The following KSR2 variants were observed in gnomAD, a reference collection of about 807,000 sequenced individuals.
KSR2 encodes kinase suppressor of ras 2.
In KSR2, 25 loss-of-function variants were observed where a neutral mutation model predicts 107.8. That is an observed-to-expected ratio of 0.23 (90% confidence interval 0.17 to 0.32). KSR2 has a LOEUF of 0.32. Among genes scored for constraint, KSR2 ranks in the 10% least tolerant of loss-of-function variants. KSR2 has a pLI of 1.00. For missense variants in KSR2, 887 were observed against 1,268.9 expected (o/e 0.70, Z 4.57); for synonymous variants, 480 against 507.0 (o/e 0.95, Z 0.71).
At position 117,459,975 on chromosome 12, in the gene KSR2, CCT is replaced by C. The variant is rs1374624516; in HGVS notation, c.*7222_*7223del. 2.0e-5 allele frequency: 3 copies of C among 152,196 alleles called. No individual in the cohort carries two copies. Among genetic ancestry groups the C allele is most frequent in the African/African-American group, 7.2e-5 (3 of 41,440 alleles). 9.4% of individuals were successfully genotyped at this position (152,196 alleles called of 1,614,324 possible). ...GCCTGGGAAAGCTTGGGAAGAACAG[CCT>C]CCTATCAGGCATTTAGAGATTCAAC... On this transcript the variant is annotated 3_prime_UTR_variant, in exon 20 of 20. Transcript: ENST00000339824.
chr12:117,632,750 T>C (rs1882870438), intron 5 of KSR2, among the ~76,000 whole-genome samples: 1 of 152,194 alleles, frequency 6.6e-6, no homozygotes, highest in South Asian at 2.1e-4. Flanking sequence ...CCATGTGTGC[T>C]CAATGTTTAG....
In KSR2 at chr12:117,530,926, C is replaced by T. The variant is rs1469306247; in HGVS notation, c.1802+15G>A. ...GAAGCTTGGGAAAGGGGGAAGATGTCTCTGTCTCACTTACATTGGATTCGA... is the reference window on the plus strand; with the variant it reads ...GAAGCTTGGGAAAGGGGGAAGATGTTTCTGTCTCACTTACATTGGATTCGA... On this transcript the variant is annotated intron_variant, in intron 12 of 19. Coordinates refer to ENST00000339824, the MANE Select transcript of KSR2 (RefSeq NM_173598.6). The T allele has an allele frequency of 1.2e-6, 2 of 1,612,202 alleles. No homozygotes were observed. The highest frequency in any genetic ancestry group is 1.7e-6 in the Non-Finnish European group (2 of 1,178,580).
intron 16 of KSR2, among the ~76,000 whole-genome samples, chr12:117,479,331 C>A (rs1872002645): frequency 6.6e-6 from 1 of 152,240 alleles, no homozygotes; most frequent in Admixed American, 6.5e-5. Context: ...CCTGCACTCC[C>A]AGGCTAGGAG....
intron 1 of KSR2, among the ~76,000 whole-genome samples, chr12:117,900,174 T>A (rs530032154): frequency 5.0e-4 from 76 of 152,364 alleles, no homozygotes; most frequent in African/African-American, 1.8e-3. Flanking sequence ...ATGATTTGTA[T>A]GCAGCAATAG....
intron 3 of KSR2, among the ~76,000 whole-genome samples, chr12:117,828,609 C>T (rs1014400553): frequency 6.6e-6 from 1 of 152,222 alleles, no homozygotes; most frequent in Admixed American, 6.5e-5. Context: ...GTACAAACCC[C>T]GGACCTGCCC....
chr12:117,947,420 CAA>C (rs760348446), intron 1 of KSR2, among the ~76,000 whole-genome samples: 2 of 151,802 alleles, frequency 1.3e-5, no homozygotes, highest in African/African-American at 4.8e-5. Context: ...AAAAACAAAA[CAA>C]AAAAACTAAA....
chr12:117,773,247 T>C (rs1314903406), intron 3 of KSR2, among the ~76,000 whole-genome samples: 1 of 152,202 alleles, frequency 6.6e-6, no homozygotes, highest in Non-Finnish European at 1.5e-5. Flanking sequence ...CATCTGTTTC[T>C]GGCAAATCAT....
chr12:117,939,642 G>T (rs981828348), intron 1 of KSR2, among the ~76,000 whole-genome samples: 1 of 150,790 alleles, frequency 6.6e-6, no homozygotes, highest in Non-Finnish European at 1.5e-5. Flanking sequence ...AACCCAGGAG[G>T]CGGAGGTTGC....
At chr12:117,560,303 T>C (rs1372616313) in intron 7 of KSR2, among the ~76,000 whole-genome samples, 1 of 152,120 alleles carries the variant, frequency 6.6e-6, no homozygotes, top group Non-Finnish European at 1.5e-5. Context: ...CTGATTGTTT[T>C]GGAATATTTG....
intron 9 of KSR2, among the ~76,000 whole-genome samples, chr12:117,553,634 T>A (rs1877460171): frequency 6.6e-6 from 1 of 152,164 alleles, no homozygotes; most frequent in African/African-American, 2.4e-5. Flanking sequence ...ATTTGTCTCC[T>A]CCAAATCTCA....
rs1346326760 is a variant in KSR2, at chr12:117,462,232, C to CCAA, written c.*4964_*4966dup. On this transcript the variant is annotated 3_prime_UTR_variant, in exon 20 of 20. Coordinates refer to ENST00000339824, the MANE Select transcript of KSR2 (RefSeq NM_173598.6). ...GAGGGTGTTATAAGTTGTGGTGTCC[C>CCAA]CAACAAAAAAAAAAAAAAAAAAAAA... The CCAA allele has an allele frequency of 2.1e-5, 1 of 46,880 alleles. No homozygotes were observed. The highest frequency in any genetic ancestry group is 1.4e-4 in the African/African-American group (1 of 7,190). 2.9% of individuals were successfully genotyped at this position (46,880 alleles called of 1,614,324 possible).
rs141615681 is a variant in KSR2 at position 117,454,050 on chromosome 12, C to A, written c.*13149G>T. ...AATAAATGGGTAACACCCACCACCT[C>A]GCTATTCTAGTCCCTTATTTTTCAG... is the stretch of plus-strand genomic sequence containing the variant. On this transcript the variant is annotated 3_prime_UTR_variant, in exon 20 of 20. Coordinates refer to ENST00000339824, the MANE Select transcript of KSR2 (RefSeq NM_173598.6). 1 of 152,130 alleles carries A rather than the reference C, an allele frequency of 6.6e-6. No homozygotes were observed. Among genetic ancestry groups the A allele is most frequent in the Non-Finnish European group, 1.5e-5 (1 of 68,020 alleles). 9.4% of individuals were successfully genotyped at this position (152,130 alleles called of 1,614,324 possible). A position where few individuals can be genotyped will look rare whatever the true frequency, so the allele number is the denominator to read the frequency against.
At chr12:117,812,417 T>C (rs1238601979) in intron 3 of KSR2, among the ~76,000 whole-genome samples, 1 of 152,244 alleles carries the variant, frequency 6.6e-6, no homozygotes, top group Non-Finnish European at 1.5e-5. Flanking sequence ...AATGTTAAAC[T>C]ATTTGTGGCT....
chr12:117,706,211 T>C (rs10850889), intron 4 of KSR2, among the ~76,000 whole-genome samples: 57,018 of 151,366 alleles, frequency 0.38, 11,336 homozygotes, highest in East Asian at 0.55. Context: ...ACCCAGATAA[T>C]TTTTGTATTT....
At chr12:117,927,701 GA>G (rs1223856591) in intron 1 of KSR2, among the ~76,000 whole-genome samples, 2 of 150,600 alleles carry the variant, frequency 1.3e-5, no homozygotes, top group Non-Finnish European at 3.0e-5. Context: ...TGGAAAAAAG[GA>G]AAAAAAAAGG....
At chr12:117,549,867 G>A (rs1877168023) in intron 9 of KSR2, among the ~76,000 whole-genome samples, 1 of 152,082 alleles carries the variant, frequency 6.6e-6, no homozygotes, top group Non-Finnish European at 1.5e-5. Context: ...TCTTTATGGT[G>A]GAAGGACTTA....
intron 14 of KSR2, among the ~76,000 whole-genome samples, chr12:117,502,203 G>T (rs1592933251): frequency 6.6e-6 from 1 of 152,248 alleles, no homozygotes; most frequent in Admixed American, 6.5e-5. Flanking sequence ...ACATGTCAAT[G>T]CATGCATGTG....
At chr12:117,577,036 G>C (rs983663196) in intron 7 of KSR2, among the ~76,000 whole-genome samples, 4 of 152,132 alleles carry the variant, frequency 2.6e-5, no homozygotes, top group African/African-American at 9.7e-5. Flanking sequence ...TCATTACTCA[G>C]GTGAGACTGC....
chr12:117,635,729 G>A (rs1449630966), intron 5 of KSR2, among the ~76,000 whole-genome samples: 1 of 151,826 alleles, frequency 6.6e-6, no homozygotes, highest in East Asian at 1.9e-4. Flanking sequence ...CCAGTTTTCT[G>A]TAATGTAACC....
Sources: allele counts gnomAD v4.1 joint callset (sites outside exome capture counted in the v4.1 genomes callset), GRCh38; gene constraint gnomAD v4.1.1; transcripts MANE v1.5; gene names NCBI Gene and HGNC (gene_info 2026-07-23, HGNC 2026-07-21).